TAFA4: variants seen among roughly 807,000 people sequenced by gnomAD.
TAFA4 encodes the protein TAFA chemokine like family member 4, also known as chemokine-like protein TAFA-4.
Under a neutral mutation model 21.1 loss-of-function variants are expected in TAFA4, and 20 were observed. The observed-to-expected ratio is 0.95, with a 90% CI of 0.67 to 1.38. The LOEUF is 1.38. TAFA4 is among the 40% of genes most tolerant of loss of function. TAFA4 has a pLI of 0.00. For synonymous variants in TAFA4, 71 were observed against 67.4 expected, an observed-to-expected ratio of 1.05 and a Z score of -0.26; for missense variants, 211 against 180.9, an observed-to-expected ratio of 1.17 and a Z score of -0.95.
chr3:68,803,091 C>G (rs1703610779), intron 3 of TAFA4, among the ~76,000 whole-genome samples: 1 of 152,118 alleles, frequency 6.6e-6, no homozygotes, highest in African/African-American at 2.4e-5. Flanking sequence ...TGAAAATGTC[C>G]TTCGTTGCCA....
intron 1 of TAFA4, among the ~76,000 whole-genome samples, chr3:68,904,712 T>G (rs1223501989): frequency 6.6e-6 from 1 of 152,212 alleles, no homozygotes; most frequent in African/African-American, 2.4e-5. Flanking sequence ...AGCATAGAGA[T>G]GCTCCCAGAA....
chr3:68,836,240 T>C (rs1006405592), intron 3 of TAFA4, among the ~76,000 whole-genome samples: 1 of 152,228 alleles, frequency 6.6e-6, no homozygotes, highest in African/African-American at 2.4e-5. Context: ...CTGGATTCTC[T>C]TGCCTCAGGA....
chr3:68,853,699 G>A (rs551621131), intron 3 of TAFA4, among the ~76,000 whole-genome samples: 1 of 152,040 alleles, frequency 6.6e-6, no homozygotes, highest in Non-Finnish European at 1.5e-5. Flanking sequence ...CTGATTGTCT[G>A]CTAGAGGCAA....
At chr3:68,837,554 A>G (rs984885922) in intron 3 of TAFA4, among the ~76,000 whole-genome samples, 3 of 151,908 alleles carry the variant, frequency 2.0e-5, no homozygotes, top group African/African-American at 7.3e-5. Context: ...AACTCCTGGC[A>G]CCCGCCCCCC....
At chr3:68,799,938 C>T (rs1703538270) in intron 3 of TAFA4, among the ~76,000 whole-genome samples, 1 of 152,034 alleles carries the variant, frequency 6.6e-6, no homozygotes, top group African/African-American at 2.4e-5. Context: ...ATTAGATTCT[C>T]ACAGAAGTGT....
At chr3:68,787,255 G>T (rs76489979) in intron 3 of TAFA4, among the ~76,000 whole-genome samples, 248 of 151,986 alleles carry the variant, frequency 1.6e-3, no homozygotes, top group Middle Eastern at 6.9e-3. Context: ...AGTATTCAGC[G>T]GAGACTGAAA....
chr3:68,856,990 G>A (rs1035880671), intron 3 of TAFA4, among the ~76,000 whole-genome samples: 2 of 152,132 alleles, frequency 1.3e-5, no homozygotes, highest in Non-Finnish European at 2.9e-5. Context: ...CAAGGATAAA[G>A]TCAAATGGGA....
intron 3 of TAFA4, among the ~76,000 whole-genome samples, chr3:68,873,337 T>TACATACACACACAC (rs1208450049): frequency 2.2e-5 from 3 of 133,422 alleles, no homozygotes; most frequent in Non-Finnish European, 4.7e-5. Context: ...CACGCAGACA[T>TACATACACACACAC]ACACACACAC....
intron 3 of TAFA4, among the ~76,000 whole-genome samples, chr3:68,814,974 C>A (rs1393606977): frequency 6.6e-6 from 1 of 152,068 alleles, no homozygotes; most frequent in Non-Finnish European, 1.5e-5. Flanking sequence ...AGATATAGAC[C>A]AATGGAACAG....
intron 3 of TAFA4, among the ~76,000 whole-genome samples, chr3:68,841,653 C>T (rs188290286): frequency 6.6e-6 from 1 of 152,124 alleles, no homozygotes; most frequent in East Asian, 1.9e-4. Context: ...ACCCATGAAC[C>T]CATCATCTAT....
At chr3:68,902,864 A>G (rs895807642) in intron 1 of TAFA4, among the ~76,000 whole-genome samples, 1 of 152,244 alleles carries the variant, frequency 6.6e-6, no homozygotes, top group African/African-American at 2.4e-5. Flanking sequence ...AGTAGCAATC[A>G]GCAAACAGAT....
chr3:68,900,446 C>T (rs1283899699), intron 1 of TAFA4, among the ~76,000 whole-genome samples: 1 of 152,072 alleles, frequency 6.6e-6, no homozygotes, highest in East Asian at 1.9e-4. Flanking sequence ...GGCAGTCCTT[C>T]TGTTCAGAGG....
intron 3 of TAFA4, among the ~76,000 whole-genome samples, chr3:68,807,031 C>T (rs1355186540): frequency 6.6e-6 from 1 of 152,182 alleles, no homozygotes; most frequent in Non-Finnish European, 1.5e-5. Flanking sequence ...TTCTACTTTG[C>T]TGATGAACAT....
At chr3:68,758,839 G>A (rs1183709505) in intron 3 of TAFA4, among the ~76,000 whole-genome samples, 2 of 152,222 alleles carry the variant, frequency 1.3e-5, no homozygotes, top group Non-Finnish European at 2.9e-5. Context: ...TTATAACATT[G>A]TATTAGTTAA....
At chr3:68,846,546 GT>G (rs540477134) in intron 3 of TAFA4, among the ~76,000 whole-genome samples, 214 of 152,166 alleles carry the variant, frequency 1.4e-3, no homozygotes, top group African/African-American at 4.9e-3. Flanking sequence ...TCTCCATCCA[GT>G]TTTGTTCCGT....
chr3:68,900,256 TAATAATAATAATAATAATAATAATAAC>T (rs1485471595), intron 1 of TAFA4, among the ~76,000 whole-genome samples: 2,706 of 78,114 alleles, frequency 0.035, 63 homozygotes, highest in African/African-American at 0.093. Flanking sequence ...ATAATAATAA[TAATAATAATAATAATAATAATAATAAC>T]AATAATAATA....
chr3:68,828,629 C>T (rs899819590), intron 3 of TAFA4, among the ~76,000 whole-genome samples: 1 of 152,132 alleles, frequency 6.6e-6, no homozygotes, highest in Non-Finnish European at 1.5e-5. Flanking sequence ...ATTTTATTCT[C>T]TTTGAGGCAA....
intron 3 of TAFA4, among the ~76,000 whole-genome samples, chr3:68,809,981 A>T (rs142920760): frequency 0.012 from 1,771 of 152,256 alleles, 31 homozygotes; most frequent in Middle Eastern, 0.02. Flanking sequence ...CAGATTTTCA[A>T]ATCGGGTAAC....
intron 3 of TAFA4, among the ~76,000 whole-genome samples, chr3:68,765,347 T>C (rs1702831188): frequency 6.6e-6 from 1 of 152,216 alleles, no homozygotes; most frequent in Non-Finnish European, 1.5e-5. Context: ...ATTTGTATTG[T>C]TAACATCTTC....
Sources: allele counts gnomAD v4.1 joint callset (sites outside exome capture counted in the v4.1 genomes callset), GRCh38; gene constraint gnomAD v4.1.1; transcripts MANE v1.5; gene names NCBI Gene and HGNC (gene_info 2026-07-23, HGNC 2026-07-21).